The following ZNF438 variants were observed in gnomAD, a reference collection of about 807,000 sequenced individuals.
ZNF438 encodes the protein zinc finger protein 438.
A neutral mutation model predicts 38.0 loss-of-function variants in ZNF438; 25 were observed. That is an observed-to-expected ratio of 0.66 (90% CI 0.48 to 0.92). The LOEUF (loss-of-function observed/expected upper bound fraction) is 0.92. ZNF438 is among the 40% of genes least tolerant of loss of function. The pLI is 0.00. For synonymous variants in ZNF438, 372 were observed against 364.1 expected, an observed-to-expected ratio of 1.02 and a Z score of -0.25; for missense variants, 1,007 against 999.6, an observed-to-expected ratio of 1.01 and a Z score of -0.10.
chr10:30,969,088 A>G (rs1460564877), intron 1 of ZNF438, among the ~76,000 whole-genome samples: 2 of 152,208 alleles, frequency 1.3e-5, no homozygotes, highest in Non-Finnish European at 2.9e-5. Flanking sequence ...GTCACTTGGA[A>G]ATAAGATTTT....
chr10:30,987,351 C>A, intron 1 of ZNF438, among the ~76,000 whole-genome samples: 3 of 148,522 alleles, frequency 2.0e-5, no homozygotes, highest in African/African-American at 2.5e-5. Flanking sequence ...ATATTTGTGA[C>A]AAAGCTGATG....
intron 1 of ZNF438, among the ~76,000 whole-genome samples, chr10:30,974,435 T>A (rs1015692055): frequency 6.6e-6 from 1 of 152,180 alleles, no homozygotes. Context: ...ATCAAGCTAT[T>A]GCACTCTAGC....
chr10:31,022,448 A>G (rs1019486648), intron 1 of ZNF438, among the ~76,000 whole-genome samples: 2 of 152,052 alleles, frequency 1.3e-5, no homozygotes, highest in African/African-American at 4.8e-5. Flanking sequence ...TTTAGTAGAG[A>G]CAGGGTTTCG....
rs539807839 is a variant in ZNF438 at position 31,008,271 on chromosome 10, CTTTTT to C, written c.-192+23557_-192+23561del. Among the ~76,000 whole-genome samples, 398 of 152,170 alleles carry C rather than the reference CTTTTT, an allele frequency of 2.6e-3. 2 individuals carry two copies. The highest frequency in any genetic ancestry group is 7.8e-3 in the Admixed American group (120 of 15,296). ...ATTCCCACATATTACCTCACTTCTT[CTTTTT>C]TAACAGCTTCATTGAGGTATAATTC... On this transcript the variant is annotated intron_variant, in intron 1 of 5. Coordinates refer to ENST00000413025, the Ensembl canonical transcript of ZNF438.
intron 1 of ZNF438, among the ~76,000 whole-genome samples, chr10:30,955,418 G>C (rs1221461483): frequency 6.6e-6 from 1 of 152,214 alleles, no homozygotes; most frequent in African/African-American, 2.4e-5. Flanking sequence ...TAGTGGAAGT[G>C]ATATGGTACC....
intron 3 of ZNF438, among the ~76,000 whole-genome samples, chr10:30,897,541 A>G (rs1237672145): frequency 1.3e-5 from 2 of 152,160 alleles, no homozygotes; most frequent in African/African-American, 2.4e-5. Context: ...CCTTAAATCT[A>G]TCACCACCCA....
At position 30,941,992 on chromosome 10, in the gene ZNF438, A is replaced by T. The variant is rs551344089; in HGVS notation, c.-191-341T>A. ...CTACTCAGTATCATGGGGAACAGGGAGCTATGAAATTGAATAAGAGACAGT... is the reference window on the plus strand; with the variant it reads ...CTACTCAGTATCATGGGGAACAGGGTGCTATGAAATTGAATAAGAGACAGT... On this transcript the variant is annotated intron_variant, in intron 1 of 5. Transcript: ENST00000413025. Among the ~76,000 whole-genome samples, 3 of 152,330 alleles carry T rather than the reference A, an allele frequency of 2.0e-5. No homozygotes were observed. In the South Asian group the frequency reaches 6.2e-4, roughly 32 times the overall value.
At chr10:30,918,547 C>A (rs2043915659) in intron 2 of ZNF438, among the ~76,000 whole-genome samples, 1 of 152,046 alleles carries the variant, frequency 6.6e-6, no homozygotes, top group South Asian at 2.1e-4. Context: ...CATCTCAATT[C>A]AAAAATACTC....
chr10:30,989,879 T>C (rs2053281084), intron 1 of ZNF438, among the ~76,000 whole-genome samples: 2 of 21,834 alleles, frequency 9.2e-5, no homozygotes, highest in Admixed American at 4.3e-4. Flanking sequence ...TTATGAAATA[T>C]TTTTATTTTA....
intron 1 of ZNF438, among the ~76,000 whole-genome samples, chr10:30,979,432 C>CA (rs1432969547): frequency 6.6e-6 from 1 of 151,962 alleles, no homozygotes; most frequent in Non-Finnish European, 1.5e-5. Flanking sequence ...CATATGGAAC[C>CA]AAAAAAGAGC....
At chr10:30,904,176 G>A (rs919466471) in intron 3 of ZNF438, among the ~76,000 whole-genome samples, 1 of 152,170 alleles carries the variant, frequency 6.6e-6, no homozygotes, top group African/African-American at 2.4e-5. Context: ...ATATGTGACT[G>A]CCTTGGTAAG....
At chr10:31,011,115 G>C (rs572473831) in intron 1 of ZNF438, among the ~76,000 whole-genome samples, 1 of 152,138 alleles carries the variant, frequency 6.6e-6, no homozygotes, top group Non-Finnish European at 1.5e-5. Context: ...ACGTACCACT[G>C]TCAGGCAAAA....
intron 1 of ZNF438, among the ~76,000 whole-genome samples, chr10:30,962,970 GTTTGC>G (rs2049663455): frequency 6.6e-6 from 1 of 151,964 alleles, no homozygotes; most frequent in South Asian, 2.1e-4. Context: ...GCACTAATGG[GTTTGC>G]TTTTAATAAG....
At chr10:30,934,100 C>T (rs754360004) in intron 2 of ZNF438, among the ~76,000 whole-genome samples, 42 of 150,938 alleles carry the variant, frequency 2.8e-4, no homozygotes, top group Non-Finnish European at 4.9e-4. Context: ...GAGCCGAGAT[C>T]GCGCCACTAT....
chr10:31,002,553 T>C (rs1368169188), intron 1 of ZNF438, among the ~76,000 whole-genome samples: 1 of 152,226 alleles, frequency 6.6e-6, no homozygotes, highest in Non-Finnish European at 1.5e-5. Flanking sequence ...AAAAATACGA[T>C]TAAAAAATAT....
chr10:30,872,749 C>CAAA (rs10633045), intron 4 of ZNF438, among the ~76,000 whole-genome samples: 9 of 88,850 alleles, frequency 1.0e-4, no homozygotes, highest in African/African-American at 1.7e-4. Flanking sequence ...GACTCTGTCT[C>CAAA]AAAAAAAAAA....
chr10:30,986,051 T>G (rs963838960), intron 1 of ZNF438, among the ~76,000 whole-genome samples: 1 of 152,214 alleles, frequency 6.6e-6, no homozygotes, highest in Non-Finnish European at 1.5e-5. Flanking sequence ...AGTAACACAC[T>G]GTACAGGTTT....
intron 1 of ZNF438, among the ~76,000 whole-genome samples, chr10:31,007,145 T>C (rs975889286): frequency 1.3e-5 from 2 of 152,014 alleles, no homozygotes; most frequent in African/African-American, 4.8e-5. Context: ...GACAAGAAAA[T>C]TGACCTCCCC....
At chr10:30,852,803 G>A (rs1459473749) in intron 4 of ZNF438, among the ~76,000 whole-genome samples, 1 of 152,194 alleles carries the variant, frequency 6.6e-6, no homozygotes, top group African/African-American at 2.4e-5. Context: ...TTCCTTCTGA[G>A]TTTGGTTACC....
Sources: allele counts gnomAD v4.1 joint callset (sites outside exome capture counted in the v4.1 genomes callset), GRCh38; gene constraint gnomAD v4.1.1; transcripts MANE v1.5; gene names NCBI Gene and HGNC (gene_info 2026-07-23, HGNC 2026-07-21).